MYO16: variants seen among roughly 807,000 people sequenced by gnomAD.
MYO16 encodes unconventional myosin-XVI.
MYO16 carries 94 observed loss-of-function variants against 205.3 expected under a neutral mutation model. The ratio of observed to expected loss-of-function variants is 0.46; its 90% CI spans 0.39 to 0.54. MYO16 has a LOEUF of 0.54. Ranked by LOEUF, MYO16 falls within the 20% of genes least tolerant of loss-of-function variation. MYO16 has a pLI of 0.00. For missense variants in MYO16, 2,315 were observed against 2,387.5 expected, an observed-to-expected ratio of 0.97 and a Z score of 0.63; for synonymous variants, 988 against 954.0, an observed-to-expected ratio of 1.04 and a Z score of -0.66.
chr13:108,940,289 A>C (rs2139312894), intron 16 of MYO16, among the ~76,000 whole-genome samples: 1 of 152,264 alleles, frequency 6.6e-6, no homozygotes, highest in South Asian at 2.1e-4. Flanking sequence ...TATGTTGCCC[A>C]ATAGGATGCT....
the MYO16 span, among the ~76,000 whole-genome samples, chr13:108,583,552 C>T: frequency 0.027 from 4,082 of 152,232 alleles, 175 homozygotes; most frequent in African/African-American, 0.091. Flanking sequence ...CAGTGATATA[C>T]TATTTTTTAA....
intron 27 of MYO16, among the ~76,000 whole-genome samples, chr13:109,087,699 C>A (rs1888479662): frequency 6.6e-6 from 1 of 152,210 alleles, no homozygotes; most frequent in African/African-American, 2.4e-5. Flanking sequence ...CAAGAACAGC[C>A]TTCTCTCTTC....
At chr13:109,096,643 C>A (rs532146563) in intron 27 of MYO16, among the ~76,000 whole-genome samples, 3 of 152,184 alleles carry the variant, frequency 2.0e-5, no homozygotes, top group Admixed American at 6.5e-5. Flanking sequence ...CTTACCATCT[C>A]CTGCTCCACA....
At chr13:108,833,983 T>C (rs1385205848) in intron 9 of MYO16, among the ~76,000 whole-genome samples, 1 of 152,184 alleles carries the variant, frequency 6.6e-6, no homozygotes, top group Non-Finnish European at 1.5e-5. Context: ...ACTAATAATT[T>C]ATTTTTCATA....
At chr13:108,753,383 A>AAAAAAAAAAAAAAAAAAAAAAAAAC (rs1885314493) in intron 4 of MYO16, among the ~76,000 whole-genome samples, 12 of 147,704 alleles carry the variant, frequency 8.1e-5, no homozygotes, top group African/African-American at 3.2e-4. Flanking sequence ...AAAAAAAAAA[A>AAAAAAAAAAAAAAAAAAAAAAAAAC]AAAAAAAAAA....
intron 16 of MYO16, among the ~76,000 whole-genome samples, chr13:108,932,985 T>A (rs573922996): frequency 3.9e-5 from 6 of 152,116 alleles, no homozygotes; most frequent in African/African-American, 1.4e-4. Flanking sequence ...TTGGAGGATG[T>A]TGGCATTCAG....
At chr13:109,086,202 G>GA (rs1888431634) in intron 27 of MYO16, among the ~76,000 whole-genome samples, 1 of 152,178 alleles carries the variant, frequency 6.6e-6, no homozygotes, top group Non-Finnish European at 1.5e-5. Flanking sequence ...AGCAATCGAA[G>GA]GTCACACTTC....
chr13:108,715,518 A>G (rs748286142), intron 3 of MYO16, among the ~76,000 whole-genome samples: 1 of 152,210 alleles, frequency 6.6e-6, no homozygotes, highest in Non-Finnish European at 1.5e-5. Context: ...CATGAATATT[A>G]TAATGCCCAG....
chr13:109,146,849 G>GA (rs1350704733), intron 32 of MYO16, among the ~76,000 whole-genome samples: 2 of 148,090 alleles, frequency 1.4e-5, no homozygotes, highest in South Asian at 2.1e-4. Flanking sequence ...AAAAGAGAAA[G>GA]AAAAAAAGAA....
intron 32 of MYO16, chr13:109,164,217 G>GA (rs908311407): frequency 3.9e-5 from 6 of 152,202 alleles, no homozygotes; most frequent in African/African-American, 1.4e-4. Context: ...TGACCATGGG[G>GA]AAACCTACCT....
chr13:108,505,315 C>A, the MYO16 span, among the ~76,000 whole-genome samples: 1 of 152,194 alleles, frequency 6.6e-6, no homozygotes. Flanking sequence ...TCCTCACCAG[C>A]ACTTGTTATT....
intron 6 of MYO16, among the ~76,000 whole-genome samples, chr13:108,803,925 A>T (rs1227611657): frequency 1.3e-5 from 2 of 152,164 alleles, no homozygotes; most frequent in East Asian, 3.9e-4. Context: ...CAGAAATAAG[A>T]AAAAAATTAT....
intron 32 of MYO16, 103 bp from the exon 33 acceptor site, chr13:109,164,798 T>C: frequency 1.7e-6 from 1 of 581,294 alleles, no homozygotes; most frequent in Non-Finnish European, 2.6e-6. Context: ...TTAAATGTCA[T>C]GAATGTTTGA....
chr13:108,528,556 C>T, the MYO16 span, among the ~76,000 whole-genome samples: 413 of 126,514 alleles, frequency 3.3e-3, 7 homozygotes, highest in South Asian at 0.05. Context: ...TCTCTCCTCT[C>T]CTCTCCTCTC....
intron 1 of MYO16, among the ~76,000 whole-genome samples, chr13:108,654,070 G>A (rs1881134107): frequency 6.6e-6 from 1 of 151,820 alleles, no homozygotes; most frequent in Admixed American, 6.6e-5. Context: ...TCCTTGTGTA[G>A]GTCTCTCAGT....
intron 4 of MYO16, among the ~76,000 whole-genome samples, chr13:108,768,078 C>T (rs1191391189): frequency 3.9e-5 from 6 of 152,142 alleles, no homozygotes; most frequent in South Asian, 2.1e-4. Context: ...GCAGAACCAG[C>T]GAGTAATAAA....
At chr13:108,790,062 A>G (rs1886571177) in intron 5 of MYO16, among the ~76,000 whole-genome samples, 1 of 152,154 alleles carries the variant, frequency 6.6e-6, no homozygotes, top group Admixed American at 6.5e-5. Flanking sequence ...CATAGGGAGT[A>G]GCATAAGCAA....
the MYO16 span, among the ~76,000 whole-genome samples, chr13:108,569,542 T>C: frequency 6.6e-6 from 1 of 152,168 alleles, no homozygotes; most frequent in Non-Finnish European, 1.5e-5. Context: ...GATAGATTTA[T>C]GGTGTATAAA....
intron 27 of MYO16, among the ~76,000 whole-genome samples, chr13:109,090,812 C>G (rs1250198044): frequency 6.6e-6 from 1 of 152,174 alleles, no homozygotes; most frequent in East Asian, 1.9e-4. Flanking sequence ...AACTAGTACT[C>G]CCTCCTTAGG....
Sources: gnomAD v4.1 joint callset for allele counts (sites outside exome capture counted in the v4.1 genomes callset) on GRCh38, gnomAD v4.1.1 for gene constraint, MANE v1.5 for transcripts, NCBI Gene and HGNC (gene_info 2026-07-23, HGNC 2026-07-21) for gene names.